Variants in MBOAT2 observed in about 807,000 individuals in gnomAD.
MBOAT2 encodes membrane-bound glycerophospholipid O-acyltransferase 2.
In MBOAT2, 28 loss-of-function variants were observed where a neutral mutation model predicts 63.4. The ratio of observed to expected loss-of-function variants is 0.44; its 90% CI spans 0.33 to 0.61. The LOEUF is 0.61. Among genes scored for constraint, MBOAT2 ranks in the 20% least tolerant of loss-of-function variants. The probability of loss-of-function intolerance (pLI) is 0.03; values close to 1 mark genes in which losing one functional copy is unlikely to be tolerated. For synonymous variants in MBOAT2, 211 were observed against 215.6 expected (o/e 0.98, Z 0.19); for missense variants, 470 against 605.8 (o/e 0.78, Z 2.35).
intron 5 of MBOAT2, among the ~76,000 whole-genome samples, chr2:8,885,550 C>T (rs1477807300): frequency 6.6e-6 from 1 of 152,058 alleles, no homozygotes; most frequent in Non-Finnish European, 1.5e-5. Flanking sequence ...TGTGAGGTGA[C>T]ATCAATGAAG....
At chr2:8,919,015 T>C (rs1247592957) in intron 3 of MBOAT2, among the ~76,000 whole-genome samples, 4 of 152,222 alleles carry the variant, frequency 2.6e-5, no homozygotes, top group African/African-American at 9.7e-5. Context: ...ATATGTAGTC[T>C]TTTGTATCTG....
chr2:8,958,677 A>T (rs754216610), intron 1 of MBOAT2, 35 bp from the exon 2 acceptor site: 8 of 1,493,856 alleles, frequency 5.4e-6, no homozygotes, highest in Non-Finnish European at 7.1e-6. Context: ...TATTAGCAAC[A>T]CAGACCTGAA....
chr2:8,879,711 G>T (rs556103862), intron 6 of MBOAT2, among the ~76,000 whole-genome samples: 14 of 152,272 alleles, frequency 9.2e-5, no homozygotes, highest in African/African-American at 3.4e-4. Context: ...AACCAAAAGT[G>T]TCTAGACATT....
At chr2:8,939,539 G>A (rs1178629059) in intron 3 of MBOAT2, among the ~76,000 whole-genome samples, 6 of 152,158 alleles carry the variant, frequency 3.9e-5, no homozygotes, top group Non-Finnish European at 8.8e-5. Context: ...CAGGACTTAT[G>A]GTGAAGCAGG....
At chr2:8,861,787 T>A (rs932874912) in intron 11 of MBOAT2, among the ~76,000 whole-genome samples, 13 of 152,188 alleles carry the variant, frequency 8.5e-5, no homozygotes, top group African/African-American at 3.1e-4. Flanking sequence ...ACAGAATCTG[T>A]CTTATGCACA....
chr2:8,934,925 A>G (rs573589648), intron 3 of MBOAT2, among the ~76,000 whole-genome samples: 44 of 152,238 alleles, frequency 2.9e-4, no homozygotes, highest in Middle Eastern at 3.4e-3. Context: ...TTCCCAGTAG[A>G]GTTGAGGCAG....
intron 2 of MBOAT2, among the ~76,000 whole-genome samples, 173 bp from the exon 3 acceptor site, chr2:8,943,437 A>G (rs550597998): frequency 7.2e-5 from 11 of 152,222 alleles, no homozygotes; most frequent in Non-Finnish European, 1.6e-4. Context: ...AGAGTCCCAT[A>G]CCACAGGCTC....
At chr2:8,916,724 G>A (rs771475777) in intron 3 of MBOAT2, among the ~76,000 whole-genome samples, 83 of 152,204 alleles carry the variant, frequency 5.5e-4, no homozygotes, top group Non-Finnish European at 9.4e-4. Context: ...AGGCTTAGAC[G>A]GCTTTGGTTG....
At chr2:8,937,507 C>T (rs1667751124) in intron 3 of MBOAT2, among the ~76,000 whole-genome samples, 1 of 152,186 alleles carries the variant, frequency 6.6e-6, no homozygotes, top group East Asian at 1.9e-4. Flanking sequence ...GATAGATTCT[C>T]TGAAGGAAAG....
chr2:8,946,245 T>C (rs895049651), intron 2 of MBOAT2, among the ~76,000 whole-genome samples: 4 of 152,304 alleles, frequency 2.6e-5, no homozygotes, highest in East Asian at 3.9e-4. Context: ...CTAAATAACA[T>C]GTCCAAAGTC....
intron 6 of MBOAT2, among the ~76,000 whole-genome samples, chr2:8,878,984 G>A (rs1223855743): frequency 6.7e-6 from 1 of 150,244 alleles, no homozygotes; most frequent in Non-Finnish European, 1.5e-5. Flanking sequence ...GCTGAGGCAG[G>A]AGAATGGCGT....
intron 3 of MBOAT2, among the ~76,000 whole-genome samples, chr2:8,921,719 C>G (rs1666584666): frequency 6.6e-6 from 1 of 152,190 alleles, no homozygotes; most frequent in Non-Finnish European, 1.5e-5. Context: ...ATATGTCACT[C>G]TATTTCCTTC....
chr2:8,873,206 T>G lies in MBOAT2; in HGVS notation c.785A>C (p.Glu262Ala). The change falls in exon 8 of 13, where the codon GAG becomes GCG. Residue 262 changes from glutamate to alanine, a missense_variant. Glu to Ala is a moderately radical substitution (Grantham distance 107). Coordinates refer to ENST00000305997, the MANE Select transcript of MBOAT2 (RefSeq NM_138799.4). The stretch of plus-strand genomic sequence containing the variant: ...CCACGAAGCTGTAGCTTGAAAATGC[T>G]CATCAATGTTGTACTCCACAGGTAA... ...TTLPVEYNIDEHFQATASWPT... is the reference protein window; with the variant it reads ...TTLPVEYNIDAHFQATASWPT... The G allele has an allele frequency of 6.2e-7, 1 of 1,614,198 alleles. No homozygotes were observed. Among genetic ancestry groups the G allele is most frequent in the South Asian group, 1.1e-5 (1 of 91,084 alleles).
Position 8,936,751 on chromosome 2 carries a change from G to A in MBOAT2, c.299+6436C>T, listed in dbSNP as rs558716167. Among the ~76,000 whole-genome samples, 7 of 127,134 alleles carry A rather than the reference G, an allele frequency of 5.5e-5. No homozygotes were observed. The East Asian group carries it at 6.9e-4, about 13-fold the overall frequency. 83.4% of individuals were successfully genotyped at this position (127,134 alleles called of 152,430 possible). The stretch of plus-strand genomic sequence containing the variant: ...TGCAGTGAGCCGAGATTGTGCCACC[G>A]CACTCAGCCTGAGCTACAGAGGGAG... On this transcript the variant is annotated intron_variant, in intron 3 of 12. Transcript: ENST00000305997.
chr2:8,880,003 T>A (rs2148536005), intron 6 of MBOAT2, among the ~76,000 whole-genome samples: 1 of 152,230 alleles, frequency 6.6e-6, no homozygotes, highest in East Asian at 1.9e-4. Context: ...AGCTCTGGGC[T>A]CTTCCTGGGC....
chr2:8,868,326 G>A, intron 9 of MBOAT2, 120 bp downstream of exon 9: 1 of 775,510 alleles, frequency 1.3e-6, no homozygotes, highest in South Asian at 1.8e-5. Context: ...TTAAATGAAA[G>A]AATGAGTGTT....
At chr2:8,894,964 A>G (rs1330880490) in intron 4 of MBOAT2, among the ~76,000 whole-genome samples, 1 of 151,434 alleles carries the variant, frequency 6.6e-6, no homozygotes, top group South Asian at 2.1e-4. Context: ...TAAAGGCGGC[A>G]CGTCCGGAGT....
rs562863410 is a variant in MBOAT2, at chr2:8,899,264, C to T, written c.395+9357G>A. On this transcript the variant is annotated intron_variant, in intron 4 of 12. Transcript: ENST00000305997. The stretch of plus-strand genomic sequence containing the variant: ...CCAGCTTTGGCTAATATATCCCTCC[C>T]TAATAAGGGTGTGGGACTTTCAGGC... Among the ~76,000 whole-genome samples the T allele has an allele frequency of 9.8e-5, 15 of 152,286 alleles. No homozygotes were observed. The East Asian group carries it at 2.7e-3, about 27-fold the overall frequency.
chr2:8,895,959 C>T lies in MBOAT2; in HGVS notation c.396-7886G>A, dbSNP rs116630854. Among the ~76,000 whole-genome samples the T allele has an allele frequency of 6.7e-3, 1,027 of 152,208 alleles. 19 individuals carry two copies. The highest frequency in any genetic ancestry group is 0.024 in the African/African-American group (984 of 41,520). Reference sequence around the variant, plus strand: ...TGGTATAAGAGTTGTGAAAGGGAGCCGGGCACGGTGGCTCATGCCTGTAAT... The same window carrying T: ...TGGTATAAGAGTTGTGAAAGGGAGCTGGGCACGGTGGCTCATGCCTGTAAT... On this transcript the variant is annotated intron_variant, in intron 4 of 12. Transcript: ENST00000305997.
Sources: allele counts gnomAD v4.1 joint callset (sites outside exome capture counted in the v4.1 genomes callset), GRCh38; gene constraint gnomAD v4.1.1; transcripts MANE v1.5; gene names NCBI Gene and HGNC (gene_info 2026-07-23, HGNC 2026-07-21).